CYP4V2: variants seen among roughly 807,000 people sequenced by gnomAD.
CYP4V2 encodes the protein cytochrome P450 family 4 subfamily V member 2, also known as cytochrome P450 4V2.
Under a neutral mutation model 60.8 loss-of-function variants are expected in CYP4V2, and 55 were observed. That is an observed-to-expected ratio of 0.90 (90% CI 0.73 to 1.13). The LOEUF is 1.13. Among genes scored for constraint, CYP4V2 ranks in the 50% most tolerant of loss-of-function variants. The pLI, the probability that CYP4V2 is intolerant of heterozygous loss-of-function variation, is 0.00. For missense variants in CYP4V2, 675 were observed against 662.9 expected, an observed-to-expected ratio of 1.02 and a Z score of -0.20; for synonymous variants, 239 against 236.8, an observed-to-expected ratio of 1.01 and a Z score of -0.08.
At chr4:186,208,827 T>A in intron 8 of CYP4V2, 38 bp from the exon 9 acceptor site, 1 of 1,614,150 alleles carries the variant, frequency 6.2e-7, no homozygotes, top group Non-Finnish European at 8.5e-7. Flanking sequence ...CAGCCCCCAC[T>A]GCTCTTTCAG....
intron 1 of CYP4V2, among the ~76,000 whole-genome samples, chr4:186,193,731 G>A (rs1736060631): frequency 6.6e-6 from 1 of 152,124 alleles, no homozygotes; most frequent in African/African-American, 2.4e-5. Context: ...ACAAAGTTGG[G>A]GATATCAGAA....
In CYP4V2 at chr4:186,194,586, G is replaced by A. The variant is rs1192513455; in HGVS notation, c.301G>A (p.Ala101Thr). The A allele has an allele frequency of 6.2e-7, 1 of 1,614,102 alleles. No homozygotes were observed. The highest frequency in any genetic ancestry group is 8.5e-7 in the Non-Finnish European group (1 of 1,179,980). ...KLWVGPVPMV[A>T]LYNAENVEVI... ...CTGGGTCGGGCCAGTGCCCATGGTG[G>A]CCCTTTATAATGCAGAAAATGTGGA... Residue 101 changes from alanine to threonine, a missense_variant, in exon 2 of 11, where the codon GCC becomes ACC. Physicochemically the swap from Ala to Thr is moderately conservative, Grantham distance 58. Transcript: ENST00000378802.
chr4:186,205,357 G>A, intron 8 of CYP4V2, 55 bp downstream of exon 8: 1 of 1,515,558 alleles, frequency 6.6e-7, no homozygotes, highest in Non-Finnish European at 9.2e-7. Context: ...CTGCAGAGAT[G>A]TCACTGTGTT....
At chr4:186,194,156 G>A (rs1736073507) in intron 1 of CYP4V2, among the ~76,000 whole-genome samples, 1 of 152,146 alleles carries the variant, frequency 6.6e-6, no homozygotes, top group Admixed American at 6.5e-5. Flanking sequence ...GTCTCGCTCG[G>A]TACAAGCCAG....
In CYP4V2 at chr4:186,210,786, G is replaced by A; in HGVS notation, c.*145G>A. The stretch of plus-strand genomic sequence containing the variant: ...TTGATCCCACTGATCTTGACATCAA[G>A]TCTAACAAAGAAAAAGTTTTGAGTT... On this transcript the variant is annotated 3_prime_UTR_variant, in exon 11 of 11. Coordinates refer to ENST00000378802, the MANE Select transcript of CYP4V2 (RefSeq NM_207352.4). 1 of 920,216 alleles carries A rather than the reference G, an allele frequency of 1.1e-6. No individual in the cohort carries two copies. Among genetic ancestry groups the A allele is most frequent in the Non-Finnish European group, 1.6e-6 (1 of 613,892 alleles). The allele number at this position is 920,216 out of a possible 1,614,324, so 57.0% of individuals were successfully genotyped here.
intron 8 of CYP4V2, among the ~76,000 whole-genome samples, chr4:186,205,810 T>G (rs754766719): frequency 1.3e-5 from 2 of 152,120 alleles, no homozygotes; most frequent in Non-Finnish European, 2.9e-5. Flanking sequence ...GCCCTTTTGC[T>G]CCCAGCCATC....
chr4:186,208,930 A>C lies in CYP4V2; in HGVS notation c.1156A>C (p.Lys386Gln). Residue 386 changes from lysine (K) to glutamine (Q), a missense_variant, in exon 9 of 11, where the codon AAG (lysine) becomes CAG (glutamine). Lys to Gln is a moderately conservative substitution (Grantham distance 53). Coordinates refer to ENST00000378802, the MANE Select transcript of CYP4V2 (RefSeq NM_207352.4). Reference protein sequence around the residue: ...KKLRYLECVIKETLRLFPSVP... With the variant: ...KKLRYLECVIQETLRLFPSVP... The stretch of plus-strand genomic sequence containing the variant: ...ACTTCGGTATCTGGAATGTGTTATT[A>C]AGGAGACCCTTCGCCTTTTTCCTTC... The C allele has an allele frequency of 6.2e-7, 1 of 1,614,200 alleles. No homozygotes were observed. Among genetic ancestry groups the C allele is most frequent in the Non-Finnish European group, 8.5e-7 (1 of 1,180,036 alleles).
intron 10 of CYP4V2, 43 bp downstream of exon 10, chr4:186,209,315 G>C: frequency 6.2e-7 from 1 of 1,610,278 alleles, no homozygotes; most frequent in Non-Finnish European, 8.5e-7. Flanking sequence ...AGGCCCACTT[G>C]ATGGTGGGTT....
Position 186,197,056 on chromosome 4 carries a change from T to A in CYP4V2, c.530T>A (p.Leu177His). 1 of 1,613,728 alleles carries A rather than the reference T, an allele frequency of 6.2e-7. No individual in the cohort carries two copies. The highest frequency in any genetic ancestry group is 2.2e-5 in the East Asian group (1 of 44,884). ...NEQANILVKK[L>H]EKHINQEAFN... The stretch of plus-strand genomic sequence containing the variant: ...CAAGCAAATATATTGGTTAAGAAAC[T>A]TGAAAAACACATTAACCAAGAAGCA... The change falls in exon 4 of 11, where the codon CTT becomes CAT. Residue 177 changes from leucine to histidine, a missense_variant. Leu to His is a moderately conservative substitution (Grantham distance 99). Transcript: ENST00000378802.
chr4:186,204,940 T>G, intron 7 of CYP4V2: 1 of 516,068 alleles, frequency 1.9e-6, no homozygotes, highest in Non-Finnish European at 3.5e-6. Context: ...AACGCCGCCT[T>G]TATTAACACA....
In CYP4V2 at chr4:186,191,665, G is replaced by C. The variant is rs958250350; in HGVS notation, c.-159G>C. 4.8e-6 allele frequency: 3 copies of C among 620,256 alleles called. No homozygotes were observed. Among genetic ancestry groups the C allele is most frequent in the Non-Finnish European group, 6.8e-6 (3 of 440,258 alleles). 38.4% of individuals were successfully genotyped at this position (620,256 alleles called of 1,614,324 possible). A position where few individuals can be genotyped will look rare whatever the true frequency, so the allele number is the denominator to read the frequency against. On this transcript the variant is annotated 5_prime_UTR_variant, in exon 1 of 11. Transcript: ENST00000378802. The stretch of plus-strand genomic sequence containing the variant: ...GTGGCGCCCTCTCTGGCCGCCGCCC[G>C]GGCGGGAAACGTCGTTCCGGGGACC...
rs1736121239 is a variant in CYP4V2 at position 186,195,393 on chromosome 4, G to A, written c.328-610G>A. ...GAAGTTGGTGTGGTGGATGCAGATG[G>A]AGATCTGTCCAGAGTAGGGGACTTG... On this transcript the variant is annotated intron_variant, in intron 2 of 10. Transcript: ENST00000378802. The surrounding 1 kb of genome is among the most constrained non-coding windows in gnomAD (Gnocchi z 4.1). Among the ~76,000 whole-genome samples, 1 of 152,206 alleles carries A rather than the reference G, an allele frequency of 6.6e-6. No individual in the cohort carries two copies. Among genetic ancestry groups the A allele is most frequent in the Admixed American group, 6.5e-5 (1 of 15,280 alleles).
Position 186,209,239 on chromosome 4 carries a change from G to A in CYP4V2, c.1372G>A (p.Val458Met), listed in dbSNP as rs202204817. ...ACAAGGGCGCCATCCATATGCCTAC[G>A]TGCCCTTCTCTGCTGGCCCCAGGAA... ...NAQGRHPYAY[V>M]PFSAGPRNCI... The change falls in exon 10 of 11, where the codon GTG becomes ATG. Residue 458 changes from valine to methionine, a missense_variant. Coordinates refer to ENST00000378802, the MANE Select transcript of CYP4V2 (RefSeq NM_207352.4). 3.8e-5 allele frequency: 62 copies of A among 1,613,742 alleles called. No homozygotes were observed. The highest frequency in any genetic ancestry group is 1.6e-4 in the Middle Eastern group (1 of 6,062).
At chr4:186,202,927 T>C (rs1736364035) in intron 7 of CYP4V2, 1 of 149,742 alleles carries the variant, frequency 6.7e-6, no homozygotes, top group African/African-American at 2.4e-5. Context: ...CATGCACACA[T>C]GCATGCATAC....
chr4:186,205,115 G>A, intron 7 of CYP4V2, 85 bp from the exon 8 acceptor site: 1 of 1,263,890 alleles, frequency 7.9e-7, no homozygotes, highest in South Asian at 1.2e-5. Flanking sequence ...ATCAAATCCA[G>A]AGACAATTCA....
chr4:186,210,414 C>G (rs1331098892), intron 10 of CYP4V2, 55 bp from the exon 11 acceptor site: 2 of 1,610,880 alleles, frequency 1.2e-6, no homozygotes, highest in Non-Finnish European at 1.7e-6. Flanking sequence ...CCTCTTGTTT[C>G]TCACATTTGG....
Position 186,205,311 on chromosome 4 carries a change from G to A in CYP4V2, c.1090+9G>A. The A allele has an allele frequency of 2.5e-6, 4 of 1,612,846 alleles. No individual in the cohort carries two copies. The highest frequency in any genetic ancestry group is 3.4e-6 in the Non-Finnish European group (4 of 1,178,800). On this transcript the variant is annotated intron_variant, in intron 8 of 10. Transcript: ENST00000378802. ...ATTGGATGACGTGTTTGGTATGTTTGGCCCCTTCACTGGTTATATTGTGGT... is the reference window on the plus strand; with the variant it reads ...ATTGGATGACGTGTTTGGTATGTTTAGCCCCTTCACTGGTTATATTGTGGT...
In CYP4V2 at chr4:186,210,875, C is replaced by T; in HGVS notation, c.*234C>T. 2.1e-6 allele frequency: 1 copy of T among 465,366 alleles called. No individual in the cohort carries two copies. Among genetic ancestry groups the T allele is most frequent in the South Asian group, 2.2e-5 (1 of 46,214 alleles). The allele number at this position is 465,366 out of a possible 1,614,324, so 28.8% of individuals were successfully genotyped here. Reference sequence around the variant, plus strand: ...TTGAAACCGTGTCTCACTCTGTCGCCCAGGCTGGAGGAGTGCAGTGGTGTG... The same window carrying T: ...TTGAAACCGTGTCTCACTCTGTCGCTCAGGCTGGAGGAGTGCAGTGGTGTG... On this transcript the variant is annotated 3_prime_UTR_variant, in exon 11 of 11. Transcript: ENST00000378802.
chr4:186,205,339 T>A (rs1736466863), intron 8 of CYP4V2, 37 bp downstream of exon 8: 2 of 1,569,672 alleles, frequency 1.3e-6, no homozygotes, highest in Non-Finnish European at 1.8e-6. Flanking sequence ...ATTGTGGTAC[T>A]AAGTCTGCTG....
Sources: gnomAD v4.1 joint callset for allele counts (sites outside exome capture counted in the v4.1 genomes callset) on GRCh38, gnomAD v4.1.1 for gene constraint, Gnocchi (gnomAD v3.1) non-coding constraint, MANE v1.5 for transcripts, NCBI Gene and HGNC (gene_info 2026-07-23, HGNC 2026-07-21) for gene names.